The following PSMA7 variants were observed in gnomAD, a reference collection of about 807,000 sequenced individuals.
The protein encoded by PSMA7 is proteasome subunit alpha type-7.
Under a neutral mutation model 31.3 loss-of-function variants are expected in PSMA7, and 5 were observed. The observed-to-expected ratio is 0.16, with a 90% CI of 0.08 to 0.34. The LOEUF is 0.34. Ranked by LOEUF, PSMA7 falls within the 10% of genes least tolerant of loss-of-function variation. PSMA7 has a pLI of 1.00. For missense variants in PSMA7, 217 were observed against 327.5 expected, an observed-to-expected ratio of 0.66 and a Z score of 2.60; for synonymous variants, 155 against 121.9, an observed-to-expected ratio of 1.27 and a Z score of -1.79.
At position 62,142,160 on chromosome 20, in the gene PSMA7, C is replaced by T. The variant is rs538540363; in HGVS notation, c.96+1048G>A. 5.3e-5 allele frequency among the ~76,000 whole-genome samples: 8 copies of T among 152,310 alleles called. No homozygotes were observed. In the South Asian group the frequency reaches 1.7e-3, roughly 32 times the overall value. Reference sequence around the variant, plus strand: ...TATTGATCTGAAGTGTTTGGGTTTTCTGGGAGCTTTCTCAGGTACTGACTC... The same window carrying T: ...TATTGATCTGAAGTGTTTGGGTTTTTTGGGAGCTTTCTCAGGTACTGACTC... On this transcript the variant is annotated intron_variant, in intron 1 of 6. Transcript: ENST00000370873.
At chr20:62,140,784 A>C (rs747613525) in intron 2 of PSMA7, 34 bp downstream of exon 2, 9 of 1,610,860 alleles carry the variant, frequency 5.6e-6, no homozygotes, top group Non-Finnish European at 7.6e-6. Flanking sequence ...CTGAGACTCT[A>C]GAGAGTAAGA....
chr20:62,137,822 G>A (rs2056904331), intron 5 of PSMA7, among the ~76,000 whole-genome samples: 1 of 152,162 alleles, frequency 6.6e-6, no homozygotes, highest in African/African-American at 2.4e-5. Context: ...CTAATCCCCT[G>A]ACTTTAGCAA....
chr20:62,142,105 G>C (rs1479491951), intron 1 of PSMA7, among the ~76,000 whole-genome samples: 1 of 152,198 alleles, frequency 6.6e-6, no homozygotes, highest in Non-Finnish European at 1.5e-5. Flanking sequence ...GTGGCTCCGT[G>C]TGGGCCCAAA....
Position 62,140,493 on chromosome 20 carries a change from C to T in PSMA7, c.223+325G>A, listed in dbSNP as rs562377099. 2.6e-5 allele frequency among the ~76,000 whole-genome samples: 4 copies of T among 152,334 alleles called. No homozygotes were observed. In the South Asian group the frequency reaches 8.3e-4, roughly 32 times the overall value. ...ATGGCAGGACGTGGTTCTGTCCTCT[C>T]CATGCCACAGATGCAGTTAGCTCTA... On this transcript the variant is annotated intron_variant, in intron 2 of 6. Transcript: ENST00000370873.
intron 5 of PSMA7, among the ~76,000 whole-genome samples, chr20:62,137,848 G>A (rs1180171636): frequency 6.6e-6 from 1 of 152,202 alleles, no homozygotes; most frequent in Non-Finnish European, 1.5e-5. Context: ...CAAGCCTCTG[G>A]AAGGCCTAGT....
rs147888190 is a variant in PSMA7, at chr20:62,141,251, C to T, written c.97-307G>A. On this transcript the variant is annotated intron_variant, in intron 1 of 6. Coordinates refer to ENST00000370873, the MANE Select transcript of PSMA7 (RefSeq NM_002792.4). Reference sequence around the variant, plus strand: ...GGAGACAGAGACAGCAAGACCCTGTCCCCTCACCCCACCCTATCCTCCCAA... The same window carrying T: ...GGAGACAGAGACAGCAAGACCCTGTTCCCTCACCCCACCCTATCCTCCCAA... Among the ~76,000 whole-genome samples the T allele has an allele frequency of 2.3e-3, 356 of 152,308 alleles. 2 individuals are homozygous for T. Among genetic ancestry groups the T allele is most frequent in the African/African-American group, 8.1e-3 (338 of 41,562 alleles).
chr20:62,142,631 G>A (rs2056940432), intron 1 of PSMA7: 1 of 152,230 alleles, frequency 6.6e-6, no homozygotes. Flanking sequence ...CCTCCCGGCA[G>A]AGTGCGGAGA....
At chr20:62,139,530 G>C (rs1157694248) in intron 3 of PSMA7, 1 of 734,958 alleles carries the variant, frequency 1.4e-6, no homozygotes, top group East Asian at 2.7e-5. Flanking sequence ...ACTCAGGATG[G>C]CAAGACAAAA....
chr20:62,137,457 C>G, intron 5 of PSMA7, 31 bp from the exon 6 acceptor site: 2 of 1,604,854 alleles, frequency 1.2e-6, no homozygotes, highest in Non-Finnish European at 1.7e-6. Context: ...GAGCATTAAC[C>G]ACCTTTCCCT....
At chr20:62,140,758 A>G in intron 2 of PSMA7, 60 bp downstream of exon 2, 1 of 1,589,384 alleles carries the variant, frequency 6.3e-7, no homozygotes, top group Admixed American at 1.7e-5. Context: ...GTTAATCTCC[A>G]AAGCCCTATT....
chr20:62,141,956 A>AGGGAGAT (rs2056931066), intron 1 of PSMA7, among the ~76,000 whole-genome samples: 2 of 152,230 alleles, frequency 1.3e-5, no homozygotes, highest in African/African-American at 2.4e-5. Context: ...CACTGTGAGC[A>AGGGAGAT]CCTGGGCAGG....
chr20:62,137,424 C>T lies in PSMA7; in HGVS notation c.594G>A (p.Val198=). ...IKLVIKALLE[V]VQSGGKNIEL... ...CAATGTTTTTGCCACCTGACTGAAC[C>T]ACCTTGAAGGGACAGAAGACAGGAG... is the stretch of plus-strand genomic sequence containing the variant. The change falls in exon 6 of 7, where the codon GTG becomes GTA. Residue 198 remains valine (V), a splice_region_variant and synonymous_variant. Transcript: ENST00000370873. 6.2e-7 allele frequency: 1 copy of T among 1,614,108 alleles called. No homozygotes were observed. The highest frequency in any genetic ancestry group is 8.5e-7 in the Non-Finnish European group (1 of 1,179,982).
At chr20:62,139,022 C>A in intron 4 of PSMA7, 53 bp downstream of exon 4, 1 of 1,599,392 alleles carries the variant, frequency 6.3e-7, no homozygotes, top group Admixed American at 1.7e-5. Flanking sequence ...CCTCCCACCC[C>A]TCAAAGCCTT....
intron 1 of PSMA7, among the ~76,000 whole-genome samples, chr20:62,141,966 G>A (rs931790261): frequency 6.6e-6 from 1 of 152,238 alleles, no homozygotes; most frequent in Non-Finnish European, 1.5e-5. Flanking sequence ...ACCTGGGCAG[G>A]GGGATCTCCC....
chr20:62,139,943 G>A (rs1322720992), intron 2 of PSMA7, 38 bp from the exon 3 acceptor site: 2 of 1,604,086 alleles, frequency 1.2e-6, no homozygotes, highest in East Asian at 4.5e-5. Context: ...TAGAGAGACA[G>A]CACAAACTAC....
intron 4 of PSMA7, among the ~76,000 whole-genome samples, chr20:62,138,838 G>GT: frequency 6.6e-6 from 1 of 152,166 alleles, no homozygotes; most frequent in East Asian, 1.9e-4. Flanking sequence ...GATTACAGGC[G>GT]TGAGTCACCA....
In PSMA7 at chr20:62,141,077, C is replaced by T. The variant is rs1028720061; in HGVS notation, c.97-133G>A. On this transcript the variant is annotated intron_variant, in intron 1 of 6. Coordinates refer to ENST00000370873, the MANE Select transcript of PSMA7 (RefSeq NM_002792.4). ...TTAAATTCAAGAGTTCAAGACCAGCCGGACAACATGGGAAAACCCTGTCTC... is the reference window on the plus strand; with the variant it reads ...TTAAATTCAAGAGTTCAAGACCAGCTGGACAACATGGGAAAACCCTGTCTC... 1.4e-5 allele frequency: 16 copies of T among 1,145,876 alleles called. No homozygotes were observed. In the East Asian group the frequency reaches 2.2e-4, roughly 15 times the overall value. 71.0% of individuals were successfully genotyped at this position (1,145,876 alleles called of 1,614,324 possible). A position where few individuals can be genotyped will look rare whatever the true frequency, so the allele number is the denominator to read the frequency against.
In PSMA7 at chr20:62,137,423, C is replaced by T. The variant is rs1379378817; in HGVS notation, c.595G>A (p.Val199Ile). The change falls in exon 6 of 7, where the codon GTT (valine) becomes ATT (isoleucine). Residue 199 changes from valine to isoleucine, a missense_variant. Val to Ile is a conservative substitution (Grantham distance 29). Around this residue, in one of 3 missense-constraint regions of PSMA7, gnomAD observed 88 missense variants for 111.6 expected, o/e 0.79. Transcript: ENST00000370873. Reference sequence around the variant, plus strand: ...TCAATGTTTTTGCCACCTGACTGAACCACCTTGAAGGGACAGAAGACAGGA... The same window carrying T: ...TCAATGTTTTTGCCACCTGACTGAATCACCTTGAAGGGACAGAAGACAGGA... ...KLVIKALLEV[V>I]QSGGKNIELA... 2 of 1,614,094 alleles carry T rather than the reference C, an allele frequency of 1.2e-6. No homozygotes were observed. Among genetic ancestry groups the T allele is most frequent in the Non-Finnish European group, 1.7e-6 (2 of 1,179,976 alleles).
chr20:62,141,987 G>A (rs1197917640), intron 1 of PSMA7, among the ~76,000 whole-genome samples: 5 of 152,202 alleles, frequency 3.3e-5, no homozygotes, highest in African/African-American at 4.8e-5. Flanking sequence ...TGTGCCTGCC[G>A]CCCTGAGCAC....
Sources: gnomAD v4.1 joint callset for allele counts (sites outside exome capture counted in the v4.1 genomes callset) on GRCh38, gnomAD v4.1.1 for gene constraint, gnomAD v4.1.1 regional missense constraint, MANE v1.5 for transcripts, NCBI Gene and HGNC (gene_info 2026-07-23, HGNC 2026-07-21) for gene names.